The following PDE11A variants were observed in gnomAD, a reference collection of about 807,000 sequenced individuals.
PDE11A encodes the protein phosphodiesterase 11A, also known as dual 3',5'-cyclic-AMP and -GMP phosphodiesterase 11A.
PDE11A carries 100 observed loss-of-function variants against 100.5 expected under a neutral mutation model. The observed-to-expected ratio is 1.00, with a 90% CI of 0.85 to 1.18. The LOEUF (loss-of-function observed/expected upper bound fraction) is 1.18. Among genes scored for constraint, PDE11A ranks in the 50% most tolerant of loss-of-function variants. The pLI, the probability that PDE11A is intolerant of heterozygous loss-of-function variation, is 0.00. For synonymous variants in PDE11A, 381 were observed against 420.8 expected, an observed-to-expected ratio of 0.91 and a Z score of 1.16; for missense variants, 1,141 against 1,152.6, an observed-to-expected ratio of 0.99 and a Z score of 0.15.
At chr2:177,827,325 A>G (rs1292704962) in intron 6 of PDE11A, among the ~76,000 whole-genome samples, 1 of 152,260 alleles carries the variant, frequency 6.6e-6, no homozygotes, top group Non-Finnish European at 1.5e-5. Flanking sequence ...CTTCCATGGC[A>G]GAGAAGATCT....
chr2:177,983,396 T>C (rs2085905766), intron 2 of PDE11A, among the ~76,000 whole-genome samples: 1 of 152,186 alleles, frequency 6.6e-6, no homozygotes, highest in African/African-American at 2.4e-5. Flanking sequence ...GGTGGCACTA[T>C]AAGCAATGGG....
intron 15 of PDE11A, among the ~76,000 whole-genome samples, chr2:177,682,354 T>G (rs995902758): frequency 2.0e-5 from 3 of 152,244 alleles, no homozygotes; most frequent in African/African-American, 7.2e-5. Flanking sequence ...CCAGCCGCCT[T>G]GGGCCTATGT....
At chr2:177,675,576 A>C in intron 16 of PDE11A, 58 bp from the exon 17 acceptor site, 1 of 1,262,940 alleles carries the variant, frequency 7.9e-7, no homozygotes, top group Non-Finnish European at 1.2e-6. Context: ...TTCCTAAACA[A>C]ACCCGTCCTA....
At chr2:178,005,668 A>G (rs2086200136) in intron 2 of PDE11A, among the ~76,000 whole-genome samples, 1 of 152,262 alleles carries the variant, frequency 6.6e-6, no homozygotes, top group Non-Finnish European at 1.5e-5. Flanking sequence ...TCTACTAAGT[A>G]GAAACGCAAT....
chr2:177,998,150 T>C, intron 2 of PDE11A: 2 of 1,024,484 alleles, frequency 2.0e-6, no homozygotes, highest in Non-Finnish European at 3.1e-6. Flanking sequence ...TGTCTTCCAC[T>C]TACTGTCTGT....
chr2:178,103,752 C>A (rs2087586784), intron 2 of PDE11A, among the ~76,000 whole-genome samples: 2 of 151,664 alleles, frequency 1.3e-5, no homozygotes, highest in African/African-American at 4.8e-5. Context: ...AATTTCCATT[C>A]TTAGACAGAT....
At chr2:177,700,793 A>G (rs2081185467) in intron 14 of PDE11A, among the ~76,000 whole-genome samples, 1 of 152,186 alleles carries the variant, frequency 6.6e-6, no homozygotes, top group Non-Finnish European at 1.5e-5. Context: ...TATTTGGATC[A>G]AGTTGTTCCC....
intron 19 of PDE11A, among the ~76,000 whole-genome samples, chr2:177,640,347 T>G (rs566850489): frequency 8.5e-5 from 13 of 152,340 alleles, no homozygotes; most frequent in South Asian, 6.2e-4. Flanking sequence ...AAGTTGGTAT[T>G]TTGAAATGGA....
chr2:177,899,235 G>A (rs1404459525), intron 3 of PDE11A, among the ~76,000 whole-genome samples: 2 of 151,944 alleles, frequency 1.3e-5, no homozygotes, highest in African/African-American at 2.4e-5. Context: ...GTGAAACCCC[G>A]ACTCTACTAA....
chr2:177,944,950 C>T (rs1369527783), intron 2 of PDE11A, among the ~76,000 whole-genome samples: 1 of 150,174 alleles, frequency 6.7e-6, no homozygotes, highest in South Asian at 2.2e-4. Context: ...CCTGCCTCAG[C>T]CTGCTGAGTG....
chr2:178,071,147 C>T (rs974626194), intron 1 of PDE11A, among the ~76,000 whole-genome samples: 24 of 152,212 alleles, frequency 1.6e-4, no homozygotes, highest in African/African-American at 5.8e-4. Context: ...CACCGGAATT[C>T]TGGAGCACAC....
rs964567659 is a variant in PDE11A, at chr2:177,831,669, T to C, written c.1500+8582A>G. On this transcript the variant is annotated intron_variant, in intron 6 of 19. Coordinates refer to ENST00000286063, the MANE Select transcript of PDE11A (RefSeq NM_016953.4). ...TATGGTCCATGGGGCAAGTCATTCATAAGTTGCTGCTGAAATATTTCATTC... is the reference window on the plus strand; with the variant it reads ...TATGGTCCATGGGGCAAGTCATTCACAAGTTGCTGCTGAAATATTTCATTC... Among the ~76,000 whole-genome samples the C allele has an allele frequency of 5.3e-5, 8 of 152,318 alleles. No individual in the cohort carries two copies. In the East Asian group the frequency reaches 1.5e-3, roughly 29 times the overall value.
chr2:177,955,615 C>T (rs12693147), intron 2 of PDE11A, among the ~76,000 whole-genome samples: 9,561 of 152,052 alleles, frequency 0.063, 313 homozygotes, highest in South Asian at 0.094. Context: ...GGCTGGTCCA[C>T]AAAAGAACAA....
At chr2:177,904,568 T>C (rs984401690) in intron 3 of PDE11A, among the ~76,000 whole-genome samples, 2 of 151,424 alleles carry the variant, frequency 1.3e-5, no homozygotes, top group African/African-American at 4.9e-5. Context: ...TTTTTTTTTT[T>C]TTTTTGAGAT....
chr2:177,859,328 G>GA (rs1414560213), intron 5 of PDE11A, among the ~76,000 whole-genome samples: 6 of 150,468 alleles, frequency 4.0e-5, no homozygotes, highest in African/African-American at 9.8e-5. Flanking sequence ...CCAAAAAGGG[G>GA]AAAAAAACAA....
At chr2:178,090,192 C>T (rs1286810502) in intron 2 of PDE11A, among the ~76,000 whole-genome samples, 1 of 152,190 alleles carries the variant, frequency 6.6e-6, no homozygotes, top group African/African-American at 2.4e-5. Flanking sequence ...AAAATCCCCA[C>T]CACATCCAAA....
At chr2:177,711,080 G>A (rs2081353106) in intron 13 of PDE11A, among the ~76,000 whole-genome samples, 2 of 152,220 alleles carry the variant, frequency 1.3e-5, no homozygotes, top group African/African-American at 4.8e-5. Context: ...CTTATTTCTA[G>A]CACCCATAAG....
chr2:177,979,068 A>T (rs1210770896), intron 2 of PDE11A, among the ~76,000 whole-genome samples: 1 of 115,212 alleles, frequency 8.7e-6, no homozygotes, highest in Non-Finnish European at 1.8e-5. Flanking sequence ...CCTAAAACTT[A>T]GAGTATAATA....
At chr2:177,949,865 G>A (rs1574302372) in intron 2 of PDE11A, among the ~76,000 whole-genome samples, 2 of 152,300 alleles carry the variant, frequency 1.3e-5, no homozygotes, top group African/African-American at 4.8e-5. Context: ...CTTATAGGGC[G>A]TGATGCAAAT....
Sources: gnomAD v4.1 joint callset for allele counts (sites outside exome capture counted in the v4.1 genomes callset) on GRCh38, gnomAD v4.1.1 for gene constraint, MANE v1.5 for transcripts, NCBI Gene and HGNC (gene_info 2026-07-23, HGNC 2026-07-21) for gene names.